The following CCSER1 variants were observed in gnomAD, a reference collection of about 807,000 sequenced individuals.
CCSER1 encodes serine-rich coiled-coil domain-containing protein 1.
In CCSER1, 41 loss-of-function variants were observed where a neutral mutation model predicts 82.0. The ratio of observed to expected loss-of-function variants is 0.50; its 90% CI spans 0.39 to 0.65. The LOEUF is 0.65. Ranked by LOEUF, CCSER1 falls within the 30% of genes least tolerant of loss-of-function variation. The pLI is 0.00. For missense variants in CCSER1, 1,119 were observed against 1,064.2 expected (o/e 1.05, Z -0.72); for synonymous variants, 414 against 383.9 (o/e 1.08, Z -0.92).
intron 10 of CCSER1, among the ~76,000 whole-genome samples, chr4:91,245,858 G>A (rs961841899): frequency 7.2e-5 from 11 of 152,050 alleles, no homozygotes; most frequent in Admixed American, 2.6e-4. Flanking sequence ...CACGACGTCC[G>A]GTTAGTTTTG....
chr4:90,524,877 A>C (rs1322732983), intron 5 of CCSER1, among the ~76,000 whole-genome samples: 1 of 151,946 alleles, frequency 6.6e-6, no homozygotes, highest in Non-Finnish European at 1.5e-5. Context: ...CCTTTTTTTC[A>C]ATCAATCAAA....
chr4:90,338,733 A>T (rs903292726), intron 3 of CCSER1, among the ~76,000 whole-genome samples: 7 of 152,320 alleles, frequency 4.6e-5, no homozygotes, highest in Non-Finnish European at 8.8e-5. Flanking sequence ...AAAATTACTA[A>T]TTTTAGTGAG....
intron 8 of CCSER1, among the ~76,000 whole-genome samples, chr4:90,898,714 C>T (rs1724138333): frequency 6.6e-6 from 1 of 151,932 alleles, no homozygotes; most frequent in South Asian, 2.1e-4. Flanking sequence ...GTACTTTCCC[C>T]ATTGTTTATT....
chr4:90,935,749 G>T (rs1027159000), intron 9 of CCSER1, among the ~76,000 whole-genome samples: 2 of 152,106 alleles, frequency 1.3e-5, no homozygotes, highest in African/African-American at 2.4e-5. Context: ...TTTGAACAAG[G>T]ATTGCTATTA....
intron 10 of CCSER1, among the ~76,000 whole-genome samples, chr4:91,533,538 A>C (rs1258371588): frequency 6.6e-6 from 1 of 152,158 alleles, no homozygotes; most frequent in Non-Finnish European, 1.5e-5. Flanking sequence ...TAGGTTTAGA[A>C]GACAAATAGC....
At chr4:90,526,566 C>T (rs978334385) in intron 5 of CCSER1, among the ~76,000 whole-genome samples, 3 of 152,152 alleles carry the variant, frequency 2.0e-5, no homozygotes, top group African/African-American at 7.2e-5. Context: ...CATCCCCCAC[C>T]TGTGTCTATG....
At chr4:91,380,960 A>C (rs1335865710) in intron 10 of CCSER1, among the ~76,000 whole-genome samples, 1 of 152,126 alleles carries the variant, frequency 6.6e-6, no homozygotes, top group African/African-American at 2.4e-5. Flanking sequence ...AAAATCTCTC[A>C]GCATTTGCTT....
rs556498109 is a variant in CCSER1, at chr4:90,527,774, T to C, written c.1724+59420T>C. 1.3e-3 allele frequency among the ~76,000 whole-genome samples: 195 copies of C among 152,302 alleles called. 1 individual carries two copies. The highest frequency in any genetic ancestry group is 4.2e-3 in the African/African-American group (176 of 41,584). Reference sequence around the variant, plus strand: ...TATATTTGTTACATCTTATATATCCTGCCTTTTATGAATTTTAAATTTTGT... The same window carrying C: ...TATATTTGTTACATCTTATATATCCCGCCTTTTATGAATTTTAAATTTTGT... On this transcript the variant is annotated intron_variant, in intron 5 of 10. Transcript: ENST00000509176.
At chr4:91,583,594 A>T (rs1230578295) in intron 10 of CCSER1, among the ~76,000 whole-genome samples, 1 of 151,512 alleles carries the variant, frequency 6.6e-6, no homozygotes, top group Admixed American at 6.6e-5. Context: ...CATCTTGATT[A>T]TTGGGATATG....
chr4:90,313,113 C>T (rs1186096875), intron 3 of CCSER1, 66 bp downstream of exon 3: 1 of 1,276,188 alleles, frequency 7.8e-7, no homozygotes. Flanking sequence ...GTTCATGTCT[C>T]TTGCAAAATG....
At chr4:91,095,775 A>G (rs942953828) in intron 10 of CCSER1, among the ~76,000 whole-genome samples, 2 of 152,042 alleles carry the variant, frequency 1.3e-5, no homozygotes, top group African/African-American at 2.4e-5. Context: ...CAGCCCTTCA[A>G]TTAATGCCTC....
chr4:91,376,274 G>C (rs1015400741), intron 10 of CCSER1, among the ~76,000 whole-genome samples: 2 of 152,138 alleles, frequency 1.3e-5, no homozygotes, highest in Admixed American at 1.3e-4. Flanking sequence ...ACCTAAGAGT[G>C]TACACAAGCC....
chr4:91,326,312 A>G (rs1444930768), intron 10 of CCSER1, among the ~76,000 whole-genome samples: 1 of 152,164 alleles, frequency 6.6e-6, no homozygotes, highest in African/African-American at 2.4e-5. Context: ...GAAACTTACA[A>G]TCATGGCAGA....
At chr4:91,162,255 A>C (rs914049529) in intron 10 of CCSER1, among the ~76,000 whole-genome samples, 9 of 152,106 alleles carry the variant, frequency 5.9e-5, no homozygotes, top group African/African-American at 1.4e-4. Context: ...ATATGTTGAA[A>C]CAGCCTTGCA....
intron 3 of CCSER1, among the ~76,000 whole-genome samples, chr4:90,323,852 A>G (rs1211862645): frequency 2.0e-5 from 3 of 151,968 alleles, no homozygotes; most frequent in Non-Finnish European, 4.4e-5. Flanking sequence ...CCAGAGTGTG[A>G]TGTTCCCCTT....
At chr4:91,199,825 A>G (rs1643507176) in intron 10 of CCSER1, among the ~76,000 whole-genome samples, 1 of 152,040 alleles carries the variant, frequency 6.6e-6, no homozygotes, top group African/African-American at 2.4e-5. Flanking sequence ...GTCAGTGATT[A>G]TAGGTTTTTT....
intron 7 of CCSER1, among the ~76,000 whole-genome samples, chr4:90,744,601 G>T (rs1747101553): frequency 6.6e-6 from 1 of 152,058 alleles, no homozygotes; most frequent in Non-Finnish European, 1.5e-5. Flanking sequence ...TAGACCAGGG[G>T]TCCACAACCA....
chr4:90,853,210 G>A (rs1764085612), intron 8 of CCSER1, among the ~76,000 whole-genome samples: 1 of 151,966 alleles, frequency 6.6e-6, no homozygotes, highest in Non-Finnish European at 1.5e-5. Context: ...CTATTTTTAT[G>A]GACAGAGCAG....
intron 7 of CCSER1, among the ~76,000 whole-genome samples, chr4:90,755,788 C>T (rs924289495): frequency 1.3e-5 from 2 of 152,260 alleles, no homozygotes; most frequent in African/African-American, 4.8e-5. Flanking sequence ...CATTAGTTAC[C>T]TTATGAAGTT....
Sources: gnomAD v4.1 joint callset for allele counts (sites outside exome capture counted in the v4.1 genomes callset) on GRCh38, gnomAD v4.1.1 for gene constraint, MANE v1.5 for transcripts, NCBI Gene and HGNC (gene_info 2026-07-23, HGNC 2026-07-21) for gene names.